Variants in TMEM230 observed in about 807,000 individuals in gnomAD.
TMEM230 encodes UPF0414 transmembrane protein C20orf30.
TMEM230 carries 10 observed loss-of-function variants against 15.8 expected under a neutral mutation model. The ratio of observed to expected loss-of-function variants is 0.63; its 90% CI spans 0.39 to 1.07. TMEM230 has a LOEUF of 1.07. Among genes scored for constraint, TMEM230 ranks in the 50% least tolerant of loss-of-function variants. The pLI, the probability that TMEM230 is intolerant of heterozygous loss-of-function variation, is 0.01. For synonymous variants in TMEM230, 67 were observed against 76.9 expected (o/e 0.87, Z 0.68); for missense variants, 165 against 193.3 (o/e 0.85, Z 0.87).
Position 5,100,932 on chromosome 20 carries a change from C to T in TMEM230, c.412-1G>A. ...GCACTGGAACGGCCCGGTCTGCCCC[C>T]TGGTGGCAGAAGGAGGCAAACACAT... On this transcript the variant is annotated splice_acceptor_variant, in intron 4 of 4. Transcript: ENST00000342308. LOFTEE classifies it high-confidence loss of function. The T allele has an allele frequency of 6.2e-7, 1 of 1,613,984 alleles. No homozygotes were observed. Among genetic ancestry groups the T allele is most frequent in the Non-Finnish European group, 8.5e-7 (1 of 1,179,942 alleles).
chr20:5,081,835 G>A (rs1161707431), intron 3 of TMEM230, among the ~76,000 whole-genome samples: 1 of 150,606 alleles, frequency 6.6e-6, no homozygotes, highest in East Asian at 1.9e-4. Flanking sequence ...TGGGAGAATG[G>A]TCACTCATGT....
intron 4 of TMEM230, 40 bp downstream of exon 3, chr20:5,106,148 A>T: frequency 6.3e-7 from 1 of 1,594,448 alleles, no homozygotes; most frequent in Non-Finnish European, 8.5e-7. Flanking sequence ...CTAACATTTT[A>T]AAAATCTCAC....
intron 4 of TMEM230, among the ~76,000 whole-genome samples, chr20:5,101,561 C>T (rs563344498): frequency 0.023 from 3,486 of 152,166 alleles, 47 homozygotes; most frequent in Middle Eastern, 0.058. Context: ...GCTGGAGTTA[C>T]AGGTGTCAGT....
chr20:5,070,048 T>G (rs979385773), intron 3 of TMEM230, among the ~76,000 whole-genome samples: 1 of 152,108 alleles, frequency 6.6e-6, no homozygotes, highest in African/African-American at 2.4e-5. Context: ...CCTTAGTGAC[T>G]TAAGAGTGGA....
At position 5,111,812 on chromosome 20, in the gene TMEM230, A is replaced by C. The variant is rs976063016; in HGVS notation, c.69-207T>G. On this transcript the variant is annotated intron_variant, in intron 1 of 4. Coordinates refer to ENST00000342308, the MANE Select transcript of TMEM230 (RefSeq NM_001009923.2). ...GTTCTAAGTACTTTGTACATACCTA[A>C]TTCCAAAAAATAACAAATTGTTTTT... is the stretch of plus-strand genomic sequence containing the variant. The C allele has an allele frequency of 3.1e-6, 3 of 978,004 alleles. No homozygotes were observed. The Admixed American group carries it at 1.8e-4, about 60-fold the overall frequency. The allele number at this position is 978,004 out of a possible 1,614,324, so 60.6% of individuals were successfully genotyped here. A position where few individuals can be genotyped will look rare whatever the true frequency, so the allele number is the denominator to read the frequency against.
downstream of TMEM230, among the ~76,000 whole-genome samples, chr20:5,097,790 A>T (rs1306076094): frequency 6.6e-6 from 1 of 151,424 alleles, no homozygotes; most frequent in Non-Finnish European, 1.5e-5. Flanking sequence ...GCCCGCCACC[A>T]CACCCAGCTA....
chr20:5,069,319 T>G, exon 4 of TMEM230: 1 of 1,535,826 alleles, frequency 6.5e-7, no homozygotes, highest in Non-Finnish European at 8.7e-7. Context: ...TGGTCAGCTT[T>G]CTTTTGTTCC....
downstream of TMEM230, chr20:5,067,410 C>CATATATATATAT (rs60791101): frequency 1.4e-3 from 146 of 102,244 alleles, 2 homozygotes; most frequent in Non-Finnish European, 2.1e-3. Context: ...TGTTTAGGCT[C>CATATATATATAT]ATATATATAT....
At chr20:5,066,797 G>A (rs373687552), downstream of TMEM230, among the ~76,000 whole-genome samples, 3 of 152,158 alleles carry the variant, frequency 2.0e-5, no homozygotes, top group East Asian at 1.9e-4. Flanking sequence ...TCGCTGACCC[G>A]GGTTCATGCT....
chr20:5,089,759 G>C (rs548148468), intron 3 of TMEM230, among the ~76,000 whole-genome samples: 71 of 152,134 alleles, frequency 4.7e-4, no homozygotes, highest in Non-Finnish European at 9.6e-4. Context: ...GGGCTGCACA[G>C]TGGCTCATGC....
intron 3 of TMEM230, among the ~76,000 whole-genome samples, chr20:5,091,359 C>T (rs2089501194): frequency 1.3e-5 from 2 of 152,100 alleles, no homozygotes; most frequent in South Asian, 4.2e-4. Context: ...TACAGGTATG[C>T]ATCACTACAC....
chr20:5,098,482 G>A (rs2089732928), downstream of TMEM230: 1 of 152,158 alleles, frequency 6.6e-6, no homozygotes, highest in Non-Finnish European at 1.5e-5. Context: ...TAGAGGTTTA[G>A]GTCTTTTCTA....
chr20:5,072,380 C>A (rs747262807), intron 3 of TMEM230, among the ~76,000 whole-genome samples: 1 of 152,056 alleles, frequency 6.6e-6, no homozygotes, highest in Non-Finnish European at 1.5e-5. Flanking sequence ...TAGTTCTTGG[C>A]GAGTTTGCAG....
intron 4 of TMEM230, 24 bp downstream of exon 3, chr20:5,106,164 A>G (rs760029798): frequency 6.2e-7 from 1 of 1,602,230 alleles, no homozygotes; most frequent in East Asian, 2.2e-5. Flanking sequence ...CTCACAACTT[A>G]TTCCCACATG....
At chr20:5,074,456 A>G (rs2088925906) in intron 3 of TMEM230, among the ~76,000 whole-genome samples, 1 of 151,584 alleles carries the variant, frequency 6.6e-6, no homozygotes, top group African/African-American at 2.4e-5. Context: ...GCCCAAACCC[A>G]TTTTTCTTTG....
At chr20:5,094,339 G>A (rs1261669252) in intron 3 of TMEM230, among the ~76,000 whole-genome samples, 4 of 151,660 alleles carry the variant, frequency 2.6e-5, no homozygotes, top group East Asian at 1.9e-4. Flanking sequence ...CAAACCCTGG[G>A]CTCAACTGAT....
intron 3 of TMEM230, among the ~76,000 whole-genome samples, chr20:5,090,961 G>A (rs1327370899): frequency 6.6e-6 from 1 of 152,222 alleles, no homozygotes; most frequent in Non-Finnish European, 1.5e-5. Flanking sequence ...GGAGAGAAAG[G>A]AAAGAGGGGT....
the TMEM230 span, among the ~76,000 whole-genome samples, chr20:5,060,298 A>G: frequency 1.4e-5 from 2 of 147,284 alleles, no homozygotes; most frequent in Non-Finnish European, 1.5e-5. Flanking sequence ...TTTGAAATGT[A>G]TGGACTGGAA....
At position 5,100,588 on chromosome 20, in the gene TMEM230, C is replaced by T. The variant is rs1283128735; in HGVS notation, c.*203G>A. Reference sequence around the variant, plus strand: ...TTCCTGTGGAAAAACTTGTCAGGGCCCAGGGATGAAAAATAGAGCTTGTCC... The same window carrying T: ...TTCCTGTGGAAAAACTTGTCAGGGCTCAGGGATGAAAAATAGAGCTTGTCC... On this transcript the variant is annotated 3_prime_UTR_variant, in exon 5 of 5. Transcript: ENST00000342308. The T allele has an allele frequency of 7.3e-7, 1 of 1,361,822 alleles. No individual in the cohort carries two copies. The highest frequency in any genetic ancestry group is 9.4e-7 in the Non-Finnish European group (1 of 1,058,420). The allele number at this position is 1,361,822 out of a possible 1,614,324, so 84.4% of individuals were successfully genotyped here.
Sources: allele counts gnomAD v4.1 joint callset (sites outside exome capture counted in the v4.1 genomes callset), GRCh38; gene constraint gnomAD v4.1.1; transcripts MANE v1.5; gene names NCBI Gene and HGNC (gene_info 2026-07-23, HGNC 2026-07-21).